Variants in ADAMTS7 observed in about 807,000 individuals in gnomAD.
The protein encoded by ADAMTS7 is A disintegrin and metalloproteinase with thrombospondin motifs 7.
A neutral mutation model predicts 172.6 loss-of-function variants in ADAMTS7; 89 were observed. The ratio of observed to expected loss-of-function variants is 0.52; its 90% CI spans 0.43 to 0.61. The LOEUF is 0.61. Among genes scored for constraint, ADAMTS7 ranks in the 20% least tolerant of loss-of-function variants. ADAMTS7 has a pLI of 0.00. For synonymous variants in ADAMTS7, 885 were observed against 978.4 expected (o/e 0.90, Z 1.78); for missense variants, 1,973 against 2,355.6 (o/e 0.84, Z 3.36).
intron 1 of ADAMTS7, among the ~76,000 whole-genome samples, chr15:78,808,787 G>A (rs371073929): frequency 6.6e-6 from 1 of 152,152 alleles, no homozygotes; most frequent in Non-Finnish European, 1.5e-5. Context: ...ATGGCAACAG[G>A]CACCATTCAA....
chr15:78,790,362 A>C (rs1390498807), intron 6 of ADAMTS7, among the ~76,000 whole-genome samples: 1 of 152,220 alleles, frequency 6.6e-6, no homozygotes, highest in Admixed American at 6.5e-5. Flanking sequence ...GGATGGTATC[A>C]GTGTCAGTTT....
rs1298923932 is a variant in ADAMTS7 at position 78,800,274 on chromosome 15, G to A, written c.374C>T (p.Thr125Ile). 3 of 1,595,088 alleles carry A rather than the reference G, an allele frequency of 1.9e-6. No individual in the cohort carries two copies. The highest frequency in any genetic ancestry group is 2.2e-5 in the South Asian group (2 of 90,612). Residue 125 changes from threonine (T) to isoleucine (I), a missense_variant, in exon 2 of 24, where the codon ACC becomes ATC. Thr to Ile is a moderately conservative substitution (Grantham distance 89, BLOSUM62 -1). This residue lies in a region of ADAMTS7 where 306 missense variants were observed against 288.0 expected (regional missense o/e 1.06). Transcript: ENST00000388820. ...GLGRAHIRAH[T>I]PACHLLGEVQ... The stretch of plus-strand genomic sequence containing the variant: ...CTCGCCAAGCAGGTGGCAGGCCGGG[G>A]TGTGGGCCCGGATGTGCGCGCGGCC...
In ADAMTS7 at chr15:78,771,905, T is replaced by C. The variant is rs1308810163; in HGVS notation, c.2132-76A>G. On this transcript the variant is annotated intron_variant, in intron 14 of 23. Coordinates refer to ENST00000388820, the MANE Select transcript of ADAMTS7 (RefSeq NM_014272.5). This position sits in a 1 kb window ranked among gnomAD's most constrained non-coding sequence, Gnocchi z 4.9. The stretch of plus-strand genomic sequence containing the variant: ...TATCCCCACCCGCTCCCCTCATGTC[T>C]CTCCCCACTTGCCTCCGCCTGCTGA... 11 of 1,545,580 alleles carry C rather than the reference T, an allele frequency of 7.1e-6. No individual in the cohort carries two copies. Among genetic ancestry groups the C allele is most frequent in the Non-Finnish European group, 9.6e-6 (11 of 1,149,844 alleles).
chr15:78,769,325 G>A (rs910912882), intron 16 of ADAMTS7, among the ~76,000 whole-genome samples: 8 of 152,066 alleles, frequency 5.3e-5, no homozygotes, highest in East Asian at 1.9e-4. Context: ...CCCCTGCCCC[G>A]TGGTCCCGAG....
At chr15:78,784,985 T>C (rs907676427) in intron 8 of ADAMTS7, among the ~76,000 whole-genome samples, 2 of 141,130 alleles carry the variant, frequency 1.4e-5, no homozygotes, top group Admixed American at 7.0e-5. Context: ...AAAAAAAAGG[T>C]ACCTCCCCAT....
rs906455695 is a variant in ADAMTS7 at position 78,766,135 on chromosome 15, T to C, written c.3776A>G (p.Glu1259Gly). ...THSSPSPDVA[E>G]LWTGGTVAWE... ...GGCCACTGTGCCTCCTGTCCACAGC[T>C]CCGCCACGTCAGGACTAGGAGAGGA... The change falls in exon 19 of 24, where the codon GAG becomes GGG. Residue 1259 changes from glutamate to glycine, a missense_variant. Transcript: ENST00000388820. 1 of 1,611,030 alleles carries C rather than the reference T, an allele frequency of 6.2e-7. No homozygotes were observed. The highest frequency in any genetic ancestry group is 1.7e-5 in the Admixed American group (1 of 59,866).
rs779279978 is a variant in ADAMTS7, at chr15:78,771,867, T to C, written c.2132-38A>G. The C allele has an allele frequency of 1.3e-6, 2 of 1,589,560 alleles. No individual in the cohort carries two copies. Among genetic ancestry groups the C allele is most frequent in the South Asian group, 2.2e-5 (2 of 89,160 alleles). The stretch of plus-strand genomic sequence containing the variant: ...GGTTGTGCATAGGTTGTGCCCAGGG[T>C]GAGAGGGTTGCTTATCCCCACCCGC... On this transcript the variant is annotated intron_variant, in intron 14 of 23. Transcript: ENST00000388820. This position sits in a 1 kb window ranked among gnomAD's most constrained non-coding sequence, Gnocchi z 4.9.
intron 1 of ADAMTS7, chr15:78,810,803 T>C (rs1291155197): frequency 4.0e-6 from 1 of 249,644 alleles, no homozygotes; most frequent in Non-Finnish European, 7.6e-6. Flanking sequence ...ACGAGAGCTC[T>C]CCCGGGAGCC....
chr15:78,773,982 G>A (rs756540453), intron 13 of ADAMTS7, among the ~76,000 whole-genome samples, 185 bp downstream of exon 13: 28 of 152,216 alleles, frequency 1.8e-4, no homozygotes, highest in Admixed American at 1.8e-3. Flanking sequence ...GAGGGTACGG[G>A]CTGGGAAGCC....
chr15:78,776,045 A>G, intron 11 of ADAMTS7, 143 bp downstream of exon 11: 1 of 1,149,048 alleles, frequency 8.7e-7, no homozygotes. Context: ...AAAGTGACTT[A>G]AGGTGGCCTG....
intron 1 of ADAMTS7, 89 bp from the exon 2 acceptor site, chr15:78,800,636 G>A: frequency 2.4e-6 from 3 of 1,237,132 alleles, no homozygotes; most frequent in Non-Finnish European, 3.4e-6. Flanking sequence ...GGCCAAGAGG[G>A]GGCTGCTGGA....
At chr15:78,802,937 T>C (rs982091409) in intron 1 of ADAMTS7, among the ~76,000 whole-genome samples, 1 of 151,968 alleles carries the variant, frequency 6.6e-6, no homozygotes, top group African/African-American at 2.4e-5. Flanking sequence ...GTGGAGGTTG[T>C]AGTGAGCCGA....
chr15:78,792,737 C>T (rs1279331998), intron 4 of ADAMTS7, among the ~76,000 whole-genome samples: 4 of 152,256 alleles, frequency 2.6e-5, no homozygotes, highest in African/African-American at 4.8e-5. Flanking sequence ...CACTGGAACC[C>T]GGGAAGGCAG....
Position 78,796,605 on chromosome 15 carries a change from C to T in ADAMTS7, c.804G>A (p.Leu268=). ...HGQPQVESYV[L]TIMNMVAGLF... ...ACAGACTCACCATGTTCATGATGGT[C>T]AGCACATAGCTCTCAACCTGCGGCT... Residue 268 remains leucine (L), a synonymous_variant, in exon 4 of 24, where the codon CTG becomes CTA. Coordinates refer to ENST00000388820, the MANE Select transcript of ADAMTS7 (RefSeq NM_014272.5). The T allele has an allele frequency of 6.2e-7, 1 of 1,612,972 alleles. No homozygotes were observed. Among genetic ancestry groups the T allele is most frequent in the South Asian group, 1.1e-5 (1 of 90,768 alleles).
chr15:78,761,472 G>A (rs1809419), intron 23 of ADAMTS7, among the ~76,000 whole-genome samples: 43,348 of 152,134 alleles, frequency 0.28, 7,823 homozygotes, highest in Non-Finnish European at 0.42. Context: ...TGGCTGTGGG[G>A]GAGGGGAAAA....
intron 4 of ADAMTS7, 131 bp from the exon 5 acceptor site, chr15:78,791,354 G>A: frequency 1.4e-6 from 1 of 693,136 alleles, no homozygotes; most frequent in Non-Finnish European, 2.4e-6. Context: ...TCACACTGGT[G>A]CACACAGGCT....
chr15:78,783,906 A>T (rs913921171), intron 8 of ADAMTS7, among the ~76,000 whole-genome samples: 6 of 24,154 alleles, frequency 2.5e-4, no homozygotes, highest in Middle Eastern at 0.036. Context: ...TCAAAAATTA[A>T]AAAAAAAATC....
chr15:78,781,770 GAC>G (rs1350391427), intron 8 of ADAMTS7, among the ~76,000 whole-genome samples: 1 of 152,178 alleles, frequency 6.6e-6, no homozygotes, highest in Non-Finnish European at 1.5e-5. Context: ...TGGGGAAGGA[GAC>G]ACACCCTCCT....
At chr15:78,772,195 A>G (rs745958525) in intron 14 of ADAMTS7, among the ~76,000 whole-genome samples, 1 of 151,896 alleles carries the variant, frequency 6.6e-6, no homozygotes, top group Non-Finnish European at 1.5e-5. Flanking sequence ...TTATTCATTC[A>G]CTTCCATCAC....
Sources: gnomAD v4.1 joint callset for allele counts (sites outside exome capture counted in the v4.1 genomes callset) on GRCh38, gnomAD v4.1.1 for gene constraint, gnomAD v4.1.1 regional missense constraint, Gnocchi (gnomAD v3.1) non-coding constraint, MANE v1.5 for transcripts, NCBI Gene and HGNC (gene_info 2026-07-23, HGNC 2026-07-21) for gene names.